Variants in FRMPD1 observed in about 807,000 individuals in gnomAD.
FRMPD1 encodes FERM and PDZ domain-containing protein 1.
FRMPD1 carries 76 observed loss-of-function variants against 117.8 expected under a neutral mutation model. The observed-to-expected ratio is 0.65, with a 90% CI of 0.54 to 0.78. The LOEUF (loss-of-function observed/expected upper bound fraction) is 0.78, where lower values mean the gene tolerates loss of function less well. Among genes scored for constraint, FRMPD1 ranks in the 30% least tolerant of loss-of-function variants. The probability of loss-of-function intolerance (pLI) is 0.00; values close to 1 mark genes in which losing one functional copy is unlikely to be tolerated. For synonymous variants in FRMPD1, 783 were observed against 770.4 expected (o/e 1.02, Z -0.27); for missense variants, 1,786 against 1,964.5 (o/e 0.91, Z 1.72).
At chr9:37,676,031 A>T (rs1821516229) in intron 1 of FRMPD1, among the ~76,000 whole-genome samples, 1 of 152,234 alleles carries the variant, frequency 6.6e-6, no homozygotes, top group East Asian at 1.9e-4. Context: ...AGAAACAAAA[A>T]GAATTGGCTG....
At chr9:37,612,645 A>G in the FRMPD1 span, among the ~76,000 whole-genome samples, 1 of 151,750 alleles carries the variant, frequency 6.6e-6, no homozygotes, top group Admixed American at 6.6e-5. Flanking sequence ...CAGCCTCCCA[A>G]GTAGCTGGGA....
intron 1 of FRMPD1, among the ~76,000 whole-genome samples, chr9:37,654,553 G>A (rs1322976248): frequency 1.3e-5 from 2 of 152,234 alleles, no homozygotes; most frequent in African/African-American, 2.4e-5. Flanking sequence ...GATAATAACA[G>A]TACCTCCTTG....
chr9:37,708,278 C>T (rs531698422), intron 3 of FRMPD1, 121 bp from the exon 4 acceptor site: 35 of 656,766 alleles, frequency 5.3e-5, no homozygotes, highest in Non-Finnish European at 7.7e-5. Context: ...TGACTGAAGG[C>T]GGGGGAGTGA....
At chr9:37,734,829 G>A (rs1439494861) in intron 12 of FRMPD1, among the ~76,000 whole-genome samples, 1 of 152,118 alleles carries the variant, frequency 6.6e-6, no homozygotes, top group African/African-American at 2.4e-5. Flanking sequence ...TCACAGAAAG[G>A]AAAGTTTTGA....
the FRMPD1 span, among the ~76,000 whole-genome samples, chr9:37,613,651 TCAGTGACACTGGCC>T: frequency 2.0e-5 from 3 of 152,186 alleles, no homozygotes; most frequent in African/African-American, 7.2e-5. Context: ...CTGCCACAGC[TCAGTGACACTGGCC>T]ACTGAGATCA....
chr9:37,626,622 GAAAA>G, the FRMPD1 span, among the ~76,000 whole-genome samples: 28 of 48,634 alleles, frequency 5.8e-4, 1 homozygote, highest in African/African-American at 2.2e-3. Flanking sequence ...CCTGGTATCT[GAAAA>G]AAAAAAAAAA....
chr9:37,650,860 G>A (rs996656522), upstream of FRMPD1: 2 of 147,976 alleles, frequency 1.4e-5, no homozygotes, highest in East Asian at 2.0e-4. Context: ...GGCAGCTGGC[G>A]GCCGCGCAGC....
At position 37,746,159 on chromosome 9, in the gene FRMPD1, T is replaced by G; in HGVS notation, c.4127T>G (p.Val1376Gly). 1 of 1,613,766 alleles carries G rather than the reference T, an allele frequency of 6.2e-7. No individual in the cohort carries two copies. Among genetic ancestry groups the G allele is most frequent in the Non-Finnish European group, 8.5e-7 (1 of 1,179,980 alleles). Residue 1376 changes from valine (V) to glycine (G), a missense_variant, in exon 16 of 16, where the codon GTG becomes GGG. Transcript: ENST00000377765. ...LTSPPSAGSPVVLPWRPARAH... is the reference protein window; with the variant it reads ...LTSPPSAGSPGVLPWRPARAH... Reference sequence around the variant, plus strand: ...TCACCGCCCTCTGCGGGAAGCCCGGTGGTTCTGCCCTGGAGGCCTGCCCGA... The same window carrying G: ...TCACCGCCCTCTGCGGGAAGCCCGGGGGTTCTGCCCTGGAGGCCTGCCCGA...
rs371780559 is a variant in FRMPD1, at chr9:37,724,466, A to C, written c.612+146A>C. ...GTAATAATAAGCCAGGTGCCATGTT[A>C]TCTCATTTCGTTGCACGACCACCCA... On this transcript the variant is annotated intron_variant, in intron 7 of 15. Transcript: ENST00000377765. 1.0e-4 allele frequency: 57 copies of C among 561,032 alleles called. No homozygotes were observed. In the South Asian group the frequency reaches 1.2e-3, roughly 12 times the overall value. 34.8% of individuals were successfully genotyped at this position (561,032 alleles called of 1,614,324 possible).
Position 37,744,946 on chromosome 9 carries a change from T to C in FRMPD1, c.2914T>C (p.Ser972Pro). ...CTCCTCAGCAAGCACTCCTCACTGT[T>C]CTAACCCAGGTTCATCTGGCCCAGA... Reference protein sequence around the residue: ...ASSSASTPHCSNPGSSGPDTA... With the variant: ...ASSSASTPHCPNPGSSGPDTA... The change falls in exon 16 of 16, where the codon TCT (serine) becomes CCT (proline). Residue 972 changes from serine (S) to proline (P), a missense_variant. Physicochemically the swap from Ser to Pro is moderately conservative, Grantham distance 74. Coordinates refer to ENST00000377765, the MANE Select transcript of FRMPD1 (RefSeq NM_014907.3). 1 of 1,614,192 alleles carries C rather than the reference T, an allele frequency of 6.2e-7. No individual in the cohort carries two copies.
chr9:37,604,612 A>G, the FRMPD1 span, among the ~76,000 whole-genome samples: 1 of 152,166 alleles, frequency 6.6e-6, no homozygotes, highest in African/African-American at 2.4e-5. Flanking sequence ...TAGTTATGTA[A>G]TGATTCACTT....
intron 1 of FRMPD1, among the ~76,000 whole-genome samples, chr9:37,661,372 C>T (rs1051660757): frequency 1.3e-5 from 2 of 152,178 alleles, no homozygotes; most frequent in African/African-American, 4.8e-5. Flanking sequence ...GTTAAGCTTA[C>T]AGAAAAGAAG....
chr9:37,732,498 G>C, intron 10 of FRMPD1, 58 bp downstream of exon 10: 1 of 1,518,066 alleles, frequency 6.6e-7, no homozygotes, highest in Non-Finnish European at 8.9e-7. Flanking sequence ...CCCTGGCCAG[G>C]AGGGCCAGAT....
In FRMPD1 at chr9:37,656,991, C is replaced by A. The variant is rs78555626; in HGVS notation, c.-5+5897C>A. On this transcript the variant is annotated intron_variant, in intron 1 of 15. Coordinates refer to ENST00000377765, the MANE Select transcript of FRMPD1 (RefSeq NM_014907.3). ...AGATAAGATGGTAAATTTAAAAGTTCTTTTGACCTCTTTCAAGGAATGATC... is the reference window on the plus strand; with the variant it reads ...AGATAAGATGGTAAATTTAAAAGTTATTTTGACCTCTTTCAAGGAATGATC... Among the ~76,000 whole-genome samples, 810 of 152,136 alleles carry A rather than the reference C, an allele frequency of 5.3e-3. 5 individuals are homozygous for A. The highest frequency in any genetic ancestry group is 0.019 in the African/African-American group (779 of 41,500).
intron 1 of FRMPD1, among the ~76,000 whole-genome samples, chr9:37,675,151 G>A (rs1460880203): frequency 2.6e-5 from 4 of 152,080 alleles, no homozygotes; most frequent in African/African-American, 9.7e-5. Context: ...GGTGGGGCAC[G>A]GTGACTCATG....
In FRMPD1 at chr9:37,745,206, T is replaced by G; in HGVS notation, c.3174T>G (p.Ser1058=). Residue 1058 remains serine (S), a synonymous_variant, in exon 16 of 16, where the codon TCT becomes TCG. Transcript: ENST00000377765. ...PHVQLEMGLE[S]FCTNHIQETA... ...TCCAGTTGGAAATGGGATTGGAATC[T>G]TTTTGTACAAATCATATACAAGAAA... 6.2e-7 allele frequency: 1 copy of G among 1,613,794 alleles called. No individual in the cohort carries two copies. The highest frequency in any genetic ancestry group is 1.1e-5 in the South Asian group (1 of 91,078).
At chr9:37,609,178 G>T in the FRMPD1 span, among the ~76,000 whole-genome samples, 4 of 152,082 alleles carry the variant, frequency 2.6e-5, no homozygotes, top group Admixed American at 6.6e-5. Flanking sequence ...TGTAATCCCA[G>T]CTACTTGGGA....
At chr9:37,642,775 T>C in the FRMPD1 span, among the ~76,000 whole-genome samples, 5 of 152,200 alleles carry the variant, frequency 3.3e-5, no homozygotes, top group Non-Finnish European at 7.3e-5. Flanking sequence ...TTAATTGGTG[T>C]ATTTAGATTA....
At chr9:37,635,010 C>T in the FRMPD1 span, among the ~76,000 whole-genome samples, 12 of 152,112 alleles carry the variant, frequency 7.9e-5, no homozygotes, top group African/African-American at 2.9e-4. Flanking sequence ...AATTGTTTGG[C>T]TGGCTATGAA....
Sources: gnomAD v4.1 joint callset for allele counts (sites outside exome capture counted in the v4.1 genomes callset) on GRCh38, gnomAD v4.1.1 for gene constraint, MANE v1.5 for transcripts, NCBI Gene and HGNC (gene_info 2026-07-23, HGNC 2026-07-21) for gene names.